The following CASR variants were observed in gnomAD, a reference collection of about 807,000 sequenced individuals.
CASR encodes the protein extracellular calcium-sensing receptor.
In CASR, 23 loss-of-function variants were observed where a neutral mutation model predicts 69.1. That is an observed-to-expected ratio of 0.33 (90% CI 0.24 to 0.47). The LOEUF is 0.47. Ranked by LOEUF, CASR falls within the 20% of genes least tolerant of loss-of-function variation. The pLI is 1.00. For missense variants in CASR, 924 were observed against 1,356.1 expected, an observed-to-expected ratio of 0.68 and a Z score of 5.00; for synonymous variants, 541 against 544.7, an observed-to-expected ratio of 0.99 and a Z score of 0.10.
intron 1 of CASR, among the ~76,000 whole-genome samples, chr3:122,209,554 C>G (rs192234979): frequency 1.0e-3 from 156 of 152,254 alleles, no homozygotes; most frequent in Middle Eastern, 3.4e-3. Context: ...ATGAAGCCAT[C>G]GTATCTCATG....
intron 3 of CASR, among the ~76,000 whole-genome samples, chr3:122,258,292 A>G (rs1450790414): frequency 6.6e-6 from 1 of 151,578 alleles, no homozygotes; most frequent in Non-Finnish European, 1.5e-5. Context: ...TATTTTTTGA[A>G]TGTTTAATAT....
At chr3:122,241,616 A>G (rs1356411310) in intron 1 of CASR, among the ~76,000 whole-genome samples, 2 of 152,040 alleles carry the variant, frequency 1.3e-5, no homozygotes, top group Non-Finnish European at 2.9e-5. Context: ...ATGAATACCA[A>G]TCCTACTCAA....
At chr3:122,282,947 C>T (rs2074910699) in intron 6 of CASR, among the ~76,000 whole-genome samples, 1 of 152,202 alleles carries the variant, frequency 6.6e-6, no homozygotes. Flanking sequence ...TCTCTAACTC[C>T]AAAACCCATG....
Position 122,275,984 on chromosome 3 carries a change from A to C in CASR, c.1550A>C (p.Lys517Thr). ...EVGYYNVYAK[K>T]GERLFINEEK... ...GGGTATTACAACGTCTATGCCAAGA[A>C]GGGAGAAAGACTCTTCATCAACGAG... Residue 517 changes from lysine (K) to threonine (T), a missense_variant, in exon 5 of 7, where the codon AAG becomes ACG. By Grantham distance (78) the Lys-to-Thr change is moderately conservative. Around this residue, in one of 8 missense-constraint regions of CASR, gnomAD observed 310 missense variants for 395.7 expected, o/e 0.78. Transcript: ENST00000639785. 1.2e-6 allele frequency: 2 copies of C among 1,614,010 alleles called. No homozygotes were observed. The highest frequency in any genetic ancestry group is 2.2e-5 in the South Asian group (2 of 91,078).
At chr3:122,245,014 C>T (rs1231059900) in intron 1 of CASR, among the ~76,000 whole-genome samples, 1 of 152,060 alleles carries the variant, frequency 6.6e-6, no homozygotes, top group African/African-American at 2.4e-5. Context: ...AAGTAATGTA[C>T]TTGTCTGTGT....
intron 1 of CASR, among the ~76,000 whole-genome samples, chr3:122,209,306 G>A (rs2074038880): frequency 6.6e-6 from 1 of 152,298 alleles, no homozygotes; most frequent in South Asian, 2.1e-4. Context: ...GGTACAAAGA[G>A]GAGCTGGTAC....
intron 1 of CASR, among the ~76,000 whole-genome samples, chr3:122,218,552 A>AAG (rs2074140526): frequency 6.6e-6 from 1 of 151,696 alleles, no homozygotes; most frequent in Admixed American, 6.6e-5. Context: ...AAAAAAAAAA[A>AAG]AAAAAAAAGT....
At chr3:122,236,776 T>G (rs1282425041) in intron 1 of CASR, among the ~76,000 whole-genome samples, 1 of 152,136 alleles carries the variant, frequency 6.6e-6, no homozygotes, top group East Asian at 1.9e-4. Context: ...AAAAATGACA[T>G]GAAGAACTTA....
chr3:122,203,066 G>C (rs1435324671), intron 1 of CASR, among the ~76,000 whole-genome samples: 1 of 152,210 alleles, frequency 6.6e-6, no homozygotes, highest in Non-Finnish European at 1.5e-5. Flanking sequence ...TTTGGGAGCA[G>C]ATAGGGTGAG....
chr3:122,239,307 G>A (rs1017196004), intron 1 of CASR, among the ~76,000 whole-genome samples: 1 of 152,202 alleles, frequency 6.6e-6, no homozygotes, highest in African/African-American at 2.4e-5. Context: ...TGGTGGTGGT[G>A]GCCACCAGGA....
chr3:122,252,450 A>AAGAAAGAAAG lies in CASR; in HGVS notation c.-242-1497_-242-1496insGAAAGAAAGA, dbSNP rs1553765694. 1.4e-4 allele frequency among the ~76,000 whole-genome samples: 14 copies of AAGAAAGAAAG among 100,536 alleles called. 1 individual carries two copies. Among genetic ancestry groups the AAGAAAGAAAG allele is most frequent in the Admixed American group, 1.2e-3 (12 of 10,248 alleles). The allele number at this position is 100,536 out of a possible 152,430, so 66.0% of individuals were successfully genotyped here. On this transcript the variant is annotated intron_variant, in intron 1 of 6. Coordinates refer to ENST00000639785, the MANE Select transcript of CASR (RefSeq NM_000388.4). ...GAAAGAAAGAAAGAAAGAAAGAAAA[A>AAGAAAGAAAG]AAAGAAAAGAAAGAAAAGAAAAGAA...
Position 122,206,752 on chromosome 3 carries a change from A to G in CASR, c.-243+22940A>G, listed in dbSNP as rs147413908. On this transcript the variant is annotated intron_variant, in intron 1 of 6. Coordinates refer to ENST00000639785, the MANE Select transcript of CASR (RefSeq NM_000388.4). ...CTTTTATTATGGCTTCTATTTCATTACTCAATATTGGTTTATTGAGGTTTT... is the reference window on the plus strand; with the variant it reads ...CTTTTATTATGGCTTCTATTTCATTGCTCAATATTGGTTTATTGAGGTTTT... Among the ~76,000 whole-genome samples the G allele has an allele frequency of 7.5e-4, 114 of 151,978 alleles. No individual in the cohort carries two copies. In the East Asian group the frequency reaches 0.018, roughly 23 times the overall value.
At chr3:122,186,252 T>C (rs968826415) in intron 1 of CASR, among the ~76,000 whole-genome samples, 2 of 152,338 alleles carry the variant, frequency 1.3e-5, no homozygotes, top group African/African-American at 4.8e-5. Flanking sequence ...AACCTTGAAC[T>C]GGATCCCAAC....
intron 1 of CASR, among the ~76,000 whole-genome samples, chr3:122,192,283 A>C (rs2107580705): frequency 6.6e-6 from 1 of 152,332 alleles, no homozygotes; most frequent in South Asian, 2.1e-4. Context: ...GAACCTCTCC[A>C]GGCTCTACTT....
intron 4 of CASR, among the ~76,000 whole-genome samples, chr3:122,265,214 C>G (rs1240665913): frequency 2.6e-5 from 4 of 152,176 alleles, no homozygotes; most frequent in African/African-American, 9.7e-5. Flanking sequence ...GCTTAAGCTT[C>G]CACAGCTCTT....
Position 122,231,531 on chromosome 3 carries a change from G to T in CASR, c.-242-22417G>T, listed in dbSNP as rs996670472. ...TTGTTATTCCTGTGTGGACAATGAGGAGACAGAGGCACATAAGGAAAAGGT... is the reference window on the plus strand; with the variant it reads ...TTGTTATTCCTGTGTGGACAATGAGTAGACAGAGGCACATAAGGAAAAGGT... On this transcript the variant is annotated intron_variant, in intron 1 of 6. Transcript: ENST00000639785. 2.6e-5 allele frequency among the ~76,000 whole-genome samples: 4 copies of T among 152,330 alleles called. No individual in the cohort carries two copies. In the East Asian group the frequency reaches 7.7e-4, roughly 29 times the overall value.
chr3:122,257,046 G>T (rs753885713), intron 2 of CASR, 35 bp from the exon 3 acceptor site: 11 of 1,594,192 alleles, frequency 6.9e-6, no homozygotes, highest in Admixed American at 3.3e-5. Flanking sequence ...TGACTAGAAA[G>T]CTTCCCATTT....
intron 1 of CASR, among the ~76,000 whole-genome samples, chr3:122,233,473 G>A (rs2074298921): frequency 6.6e-6 from 1 of 152,182 alleles, no homozygotes; most frequent in South Asian, 2.1e-4. Flanking sequence ...CCCTGCTCTG[G>A]GCCTCAGGGT....
intron 1 of CASR, among the ~76,000 whole-genome samples, chr3:122,225,937 G>T (rs906259175): frequency 6.6e-6 from 1 of 152,196 alleles, no homozygotes; most frequent in Non-Finnish European, 1.5e-5. Flanking sequence ...CATGGATGCA[G>T]CTAGAGGCCT....
Sources: gnomAD v4.1 joint callset for allele counts (sites outside exome capture counted in the v4.1 genomes callset) on GRCh38, gnomAD v4.1.1 for gene constraint, gnomAD v4.1.1 regional missense constraint, MANE v1.5 for transcripts, NCBI Gene and HGNC (gene_info 2026-07-23, HGNC 2026-07-21) for gene names.